The following BRWD1 variants were observed in gnomAD, a reference collection of about 807,000 sequenced individuals.
BRWD1 encodes bromodomain and WD repeat-containing protein 1.
A neutral mutation model predicts 251.2 loss-of-function variants in BRWD1; 82 were observed. The observed-to-expected ratio is 0.33, with a 90% CI of 0.27 to 0.39. The LOEUF (loss-of-function observed/expected upper bound fraction) is 0.39, where lower values mean the gene tolerates loss of function less well. BRWD1 is among the 10% of genes least tolerant of loss of function. The probability of loss-of-function intolerance (pLI) is 1.00; values close to 1 mark genes in which losing one functional copy is unlikely to be tolerated. For missense variants in BRWD1, 2,233 were observed against 2,711.6 expected (o/e 0.82, Z 3.92); for synonymous variants, 918 against 902.8 (o/e 1.02, Z -0.30).
Position 39,202,166 on chromosome 21 carries a change from G to A in BRWD1, c.4585+159C>T, listed in dbSNP as rs540132972. ...AGCATGGCACTTACAGAAGATAACC[G>A]AATTGTTCCATGTTTATTATGTTTA... On this transcript the variant is annotated intron_variant, in intron 38 of 40. Transcript: ENST00000342449. Among the ~76,000 whole-genome samples the A allele has an allele frequency of 5.3e-5, 8 of 152,270 alleles. No homozygotes were observed. The East Asian group carries it at 5.8e-4, about 11-fold the overall frequency.
At chr21:39,229,203 G>A (rs2033507346) in intron 26 of BRWD1, 109 bp downstream of exon 26, 5 of 977,076 alleles carry the variant, frequency 5.1e-6, no homozygotes, top group Non-Finnish European at 7.6e-6. Flanking sequence ...GCTATCCACA[G>A]TGCTCTACCA....
In BRWD1 at chr21:39,187,233, G is replaced by T; in HGVS notation, c.*9026C>A. 6.2e-7 allele frequency: 1 copy of T among 1,613,596 alleles called. No homozygotes were observed. The highest frequency in any genetic ancestry group is 8.5e-7 in the Non-Finnish European group (1 of 1,179,850). ...TAATCCAGACATTTTCTGGTCCTGA[G>T]ATCGTTTCTTTTAGATTACTCATTA... is the stretch of plus-strand genomic sequence containing the variant. On this transcript the variant is annotated 3_prime_UTR_variant, in exon 41 of 41. Coordinates refer to ENST00000342449, the MANE Select transcript of BRWD1 (RefSeq NM_033656.4).
chr21:39,218,692 G>T (rs752126277), intron 29 of BRWD1, 32 bp from the exon 30 acceptor site: 1 of 1,484,806 alleles, frequency 6.7e-7, no homozygotes, highest in Non-Finnish European at 9.0e-7. Flanking sequence ...ATGAGAGGAA[G>T]AAAAAAACAC....
chr21:39,236,237 C>T (rs138683742), intron 23 of BRWD1, among the ~76,000 whole-genome samples: 1 of 152,246 alleles, frequency 6.6e-6, no homozygotes, highest in Non-Finnish European at 1.5e-5. Flanking sequence ...CAAAGGCCTC[C>T]CCCATAAGTC....
intron 37 of BRWD1, among the ~76,000 whole-genome samples, chr21:39,205,460 T>C (rs183450897): frequency 9.8e-4 from 149 of 151,680 alleles, no homozygotes; most frequent in African/African-American, 3.4e-3. Context: ...CTGGGCAACA[T>C]AGTGAAACCC....
chr21:39,184,575 CAG>C (rs1181876863), downstream of BRWD1: 2 of 152,118 alleles, frequency 1.3e-5, no homozygotes, highest in South Asian at 2.1e-4. Flanking sequence ...ACTTTGGGGT[CAG>C]AGAGAGCCTG....
rs79038086 is a variant in BRWD1, at chr21:39,266,502, G to A, written c.1531-1483C>T. On this transcript the variant is annotated intron_variant, in intron 15 of 40. Transcript: ENST00000342449. ...AGGGAGTGGCAAAATCTCAAAGCTG[G>A]AAAGCTGAAGATGGTGGCAGCAACT... 4.0e-3 allele frequency among the ~76,000 whole-genome samples: 611 copies of A among 152,282 alleles called. 14 individuals are homozygous for A. The East Asian group carries it at 0.088, about 22-fold the overall frequency.
intron 32 of BRWD1, among the ~76,000 whole-genome samples, chr21:39,213,927 CAT>C (rs749389533): frequency 4.0e-5 from 6 of 148,330 alleles, no homozygotes; most frequent in Non-Finnish European, 5.9e-5. Context: ...TATATATATA[CAT>C]ATATATATAA....
intron 1 of BRWD1, among the ~76,000 whole-genome samples, chr21:39,319,959 T>C (rs2036731974): frequency 6.6e-6 from 1 of 152,252 alleles, no homozygotes; most frequent in Non-Finnish European, 1.5e-5. Flanking sequence ...ACTTAACATA[T>C]TGCTTCCCTG....
chr21:39,267,691 G>A (rs754660785), intron 15 of BRWD1, among the ~76,000 whole-genome samples: 7 of 152,112 alleles, frequency 4.6e-5, no homozygotes, highest in African/African-American at 9.7e-5. Flanking sequence ...AGCCTTAACA[G>A]TGCTAAAACC....
At chr21:39,279,638 C>CAAAAAAAAAAAAAAAAA (rs77282416) in intron 9 of BRWD1, among the ~76,000 whole-genome samples, 4 of 66,810 alleles carry the variant, frequency 6.0e-5, no homozygotes, top group Admixed American at 1.8e-4. Flanking sequence ...GACTCCATCT[C>CAAAAAAAAAAAAAAAAA]AAAAAAAAAA....
chr21:39,306,867 T>C (rs2036304830), intron 4 of BRWD1, among the ~76,000 whole-genome samples: 1 of 152,238 alleles, frequency 6.6e-6, no homozygotes, highest in Non-Finnish European at 1.5e-5. Flanking sequence ...TGTTTATTTA[T>C]TTTGAGATGG....
chr21:39,315,062 T>C (rs2036671810), upstream of BRWD1: 1 of 152,160 alleles, frequency 6.6e-6, no homozygotes, highest in African/African-American at 2.4e-5. Flanking sequence ...AGTGGCGCGA[T>C]CTCACCTCAC....
chr21:39,221,464 A>G (rs2033175024), intron 29 of BRWD1, among the ~76,000 whole-genome samples: 2 of 150,694 alleles, frequency 1.3e-5, no homozygotes, highest in African/African-American at 4.8e-5. Flanking sequence ...GTGTAGACAC[A>G]GCAATAAAAA....
chr21:39,288,461 T>C (rs980408665), intron 8 of BRWD1, among the ~76,000 whole-genome samples: 2 of 152,218 alleles, frequency 1.3e-5, no homozygotes, highest in Non-Finnish European at 1.5e-5. Context: ...TCATTATTAA[T>C]CAGTTTGAAA....
intron 35 of BRWD1, 29 bp from the exon 36 acceptor site, chr21:39,210,176 T>C (rs778312744): frequency 1.0e-5 from 16 of 1,528,508 alleles, no homozygotes; most frequent in Non-Finnish European, 1.4e-5. Flanking sequence ...ATTTAATTCA[T>C]AGATTCATTT....
rs112315558 is a variant in BRWD1, at chr21:39,236,970, A to G, written c.2577-186T>C. On this transcript the variant is annotated intron_variant, in intron 22 of 40. Transcript: ENST00000342449. ...GAAGTGACTAAAGATCATGACAAAC[A>G]TAAGAGAAAAAGAGAAATCTTCACT... 3.8e-3 allele frequency among the ~76,000 whole-genome samples: 573 copies of G among 152,338 alleles called. 3 individuals are homozygous for G. Among genetic ancestry groups the G allele is most frequent in the African/African-American group, 5.8e-3 (243 of 41,574 alleles).
Position 39,210,132 on chromosome 21 carries a change from T to A in BRWD1, c.4060A>T (p.Ile1354Leu). 6.2e-7 allele frequency: 1 copy of A among 1,610,720 alleles called. No homozygotes were observed. The highest frequency in any genetic ancestry group is 8.5e-7 in the Non-Finnish European group (1 of 1,177,254). Residue 1354 changes from isoleucine to leucine, a missense_variant, in exon 36 of 41, where the codon ATA (isoleucine) becomes TTA (leucine). By Grantham distance (5) the Ile-to-Leu change is conservative (BLOSUM62 2). This residue lies in a region of BRWD1 where 69 missense variants were observed against 101.6 expected (regional missense o/e 0.68). Coordinates refer to ENST00000342449, the MANE Select transcript of BRWD1 (RefSeq NM_033656.4). Reference protein sequence around the residue: ...LVEYPDYRDIIDTPMDFGTVR... With the variant: ...LVEYPDYRDILDTPMDFGTVR... ...GTTCCAAAATCCATTGGGGTATCTA[T>A]AATATCTCTGTAGTCCTAGGTTTTA... is the stretch of plus-strand genomic sequence containing the variant.
At chr21:39,254,384 A>G (rs2034495496) in intron 19 of BRWD1, among the ~76,000 whole-genome samples, 1 of 150,920 alleles carries the variant, frequency 6.6e-6, no homozygotes, top group South Asian at 2.1e-4. Context: ...TAAGGATGCT[A>G]TGGAAAACTA....
Sources: gnomAD v4.1 joint callset for allele counts (sites outside exome capture counted in the v4.1 genomes callset) on GRCh38, gnomAD v4.1.1 for gene constraint, gnomAD v4.1.1 regional missense constraint, MANE v1.5 for transcripts, NCBI Gene and HGNC (gene_info 2026-07-23, HGNC 2026-07-21) for gene names.